NEGR1: variants seen among roughly 807,000 people sequenced by gnomAD.
NEGR1 encodes IgLON family member 4.
In NEGR1, 10 loss-of-function variants were observed where a neutral mutation model predicts 40.9. The observed-to-expected ratio is 0.24, with a 90% CI of 0.15 to 0.42. NEGR1 has a LOEUF of 0.42. NEGR1 is among the 10% of genes least tolerant of loss of function. The probability of loss-of-function intolerance (pLI) is 1.00; values close to 1 mark genes in which losing one functional copy is unlikely to be tolerated. For missense variants in NEGR1, 352 were observed against 438.9 expected (o/e 0.80, Z 1.77); for synonymous variants, 185 against 166.8 (o/e 1.11, Z -0.84).
At chr1:71,560,445 A>ATG (rs1344569054) in intron 6 of NEGR1, among the ~76,000 whole-genome samples, 2 of 136,264 alleles carry the variant, frequency 1.5e-5, no homozygotes, top group Non-Finnish European at 3.2e-5. Flanking sequence ...ATATATATAT[A>ATG]TATGTATATA....
At position 71,942,455 on chromosome 1, in the gene NEGR1, CTATA is replaced by C. The variant is rs1158006683; in HGVS notation, c.177-7148_177-7145del. 7.8e-3 allele frequency among the ~76,000 whole-genome samples: 166 copies of C among 21,282 alleles called. 5 individuals carry two copies. Among genetic ancestry groups the C allele is most frequent in the African/African-American group, 0.022 (136 of 6,050 alleles). The allele number at this position is 21,282 out of a possible 152,430, so 14.0% of individuals were successfully genotyped here. On this transcript the variant is annotated intron_variant, in intron 1 of 6. Transcript: ENST00000357731. ...ATGCACAACTTAAAATTCTTTAAATCTATATATATATATATATATATATATATAT... is the reference window on the plus strand; with the variant it reads ...ATGCACAACTTAAAATTCTTTAAATCTATATATATATATATATATATATAT...
chr1:71,706,081 T>C (rs1024658416), intron 3 of NEGR1, among the ~76,000 whole-genome samples: 5 of 152,236 alleles, frequency 3.3e-5, no homozygotes, highest in African/African-American at 1.2e-4. Context: ...AAGAGATTTT[T>C]AAAATAACAG....
chr1:72,017,674 A>T (rs1025431293), intron 1 of NEGR1, among the ~76,000 whole-genome samples: 5 of 146,988 alleles, frequency 3.4e-5, no homozygotes, highest in Non-Finnish European at 7.5e-5. Context: ...CAATCCAATT[A>T]TTTTTTTTTT....
intron 6 of NEGR1, among the ~76,000 whole-genome samples, chr1:71,421,774 A>C (rs978830641): frequency 6.6e-6 from 1 of 152,150 alleles, no homozygotes; most frequent in African/African-American, 2.4e-5. Context: ...GAAACATATC[A>C]TTATAAAAAG....
chr1:71,668,473 C>T (rs1205616515), intron 4 of NEGR1, among the ~76,000 whole-genome samples: 1 of 152,074 alleles, frequency 6.6e-6, no homozygotes, highest in East Asian at 1.9e-4. Flanking sequence ...AGGGTTAGGG[C>T]TCATTGGATA....
At chr1:72,136,237 G>T (rs962086495) in intron 1 of NEGR1, among the ~76,000 whole-genome samples, 3 of 152,058 alleles carry the variant, frequency 2.0e-5, no homozygotes, top group Non-Finnish European at 4.4e-5. Context: ...AGTTATTATT[G>T]TTGTATTTCA....
chr1:71,837,308 A>C (rs1321450100), intron 2 of NEGR1, among the ~76,000 whole-genome samples: 1 of 152,102 alleles, frequency 6.6e-6, no homozygotes, highest in Non-Finnish European at 1.5e-5. Flanking sequence ...ACTCTCTGAC[A>C]AAGTAGATAT....
chr1:71,550,947 G>T (rs892848763), intron 6 of NEGR1, among the ~76,000 whole-genome samples: 2 of 151,482 alleles, frequency 1.3e-5, no homozygotes, highest in African/African-American at 2.4e-5. Context: ...GAATAACTTA[G>T]AACATCTACA....
intron 1 of NEGR1, among the ~76,000 whole-genome samples, chr1:72,157,763 C>A (rs986480623): frequency 6.6e-6 from 1 of 152,116 alleles, no homozygotes; most frequent in Non-Finnish European, 1.5e-5. Flanking sequence ...GTGAGGACTG[C>A]GAGTCATTAA....
At chr1:71,794,670 A>G (rs919871810) in intron 2 of NEGR1, 15 of 152,130 alleles carry the variant, frequency 9.9e-5, no homozygotes, top group African/African-American at 3.6e-4. Flanking sequence ...ATTACTTTAT[A>G]GCATTGAAGT....
chr1:72,022,041 A>C (rs1398168103), intron 1 of NEGR1, among the ~76,000 whole-genome samples: 3 of 151,986 alleles, frequency 2.0e-5, no homozygotes, highest in Non-Finnish European at 2.9e-5. Flanking sequence ...AGGCTGAGGC[A>C]GGAGAATGGC....
chr1:71,622,900 C>G (rs961679151), intron 4 of NEGR1, among the ~76,000 whole-genome samples: 1 of 151,782 alleles, frequency 6.6e-6, no homozygotes, highest in Non-Finnish European at 1.5e-5. Context: ...ATGACTTCTT[C>G]CCTCTCAGAA....
chr1:71,553,651 C>A (rs1051223286), intron 6 of NEGR1, among the ~76,000 whole-genome samples: 3 of 151,480 alleles, frequency 2.0e-5, no homozygotes, highest in African/African-American at 4.8e-5. Context: ...CAGTATCTAT[C>A]CTTTTCTAGG....
chr1:72,210,529 C>CA (rs2100462183), intron 1 of NEGR1, among the ~76,000 whole-genome samples: 1 of 151,942 alleles, frequency 6.6e-6, no homozygotes, highest in South Asian at 2.1e-4. Context: ...CAGAGGCAGG[C>CA]ATTTGGCAGA....
chr1:71,497,184 T>G (rs1359111293), intron 6 of NEGR1, among the ~76,000 whole-genome samples: 1 of 152,184 alleles, frequency 6.6e-6, no homozygotes, highest in African/African-American at 2.4e-5. Flanking sequence ...TAAGTGCTGA[T>G]CAATTGATAG....
intron 1 of NEGR1, among the ~76,000 whole-genome samples, chr1:72,229,308 C>T (rs1004365066): frequency 6.7e-6 from 1 of 149,508 alleles, no homozygotes; most frequent in Non-Finnish European, 1.5e-5. Context: ...TAATTACACA[C>T]AGATAAGTAC....
At chr1:71,828,876 T>G (rs983462024) in intron 2 of NEGR1, among the ~76,000 whole-genome samples, 2 of 151,994 alleles carry the variant, frequency 1.3e-5, no homozygotes, top group African/African-American at 4.8e-5. Context: ...CAATGAACAC[T>G]ACTGACGGCT....
chr1:71,877,560 G>A (rs1018870636), intron 2 of NEGR1, among the ~76,000 whole-genome samples: 7 of 151,918 alleles, frequency 4.6e-5, no homozygotes, highest in East Asian at 1.9e-4. Flanking sequence ...TGATCTAACC[G>A]TAATTATCTT....
intron 2 of NEGR1, among the ~76,000 whole-genome samples, chr1:71,807,439 A>G (rs1332518296): frequency 1.3e-5 from 2 of 152,204 alleles, no homozygotes; most frequent in Non-Finnish European, 2.9e-5. Context: ...AAGACTGATC[A>G]AAAGTGTATA....
Sources: allele counts gnomAD v4.1 joint callset (sites outside exome capture counted in the v4.1 genomes callset), GRCh38; gene constraint gnomAD v4.1.1; transcripts MANE v1.5; gene names NCBI Gene and HGNC (gene_info 2026-07-23, HGNC 2026-07-21).